RBM20: variants seen among roughly 807,000 people sequenced by gnomAD.
RBM20 encodes RNA-binding protein 20.
A neutral mutation model predicts 110.1 loss-of-function variants in RBM20; 51 were observed. The observed-to-expected ratio is 0.46, with a 90% CI of 0.37 to 0.59. RBM20 has a LOEUF of 0.59. Ranked by LOEUF, RBM20 falls within the 20% of genes least tolerant of loss-of-function variation. The pLI, the probability that RBM20 is intolerant of heterozygous loss-of-function variation, is 0.00. For missense variants in RBM20, 1,512 were observed against 1,574.9 expected (o/e 0.96, Z 0.68); for synonymous variants, 589 against 618.2 (o/e 0.95, Z 0.70).
intron 1 of RBM20, among the ~76,000 whole-genome samples, chr10:110,751,512 T>A (rs1843853353): frequency 6.6e-6 from 1 of 152,258 alleles, no homozygotes; most frequent in Non-Finnish European, 1.5e-5. Context: ...TTGCCTTTCC[T>A]ACACATAAAA....
At chr10:110,672,554 G>C (rs910081077) in intron 1 of RBM20, among the ~76,000 whole-genome samples, 7 of 152,224 alleles carry the variant, frequency 4.6e-5, no homozygotes, top group African/African-American at 1.7e-4. Context: ...CGGTCTTCCC[G>C]GGTGTTCGCG....
rs115855443 is a variant in RBM20 at position 110,726,594 on chromosome 10, G to A, written c.192-54207G>A. 5.9e-3 allele frequency among the ~76,000 whole-genome samples: 891 copies of A among 152,218 alleles called. 11 individuals carry two copies. Among genetic ancestry groups the A allele is most frequent in the African/African-American group, 0.02 (847 of 41,532 alleles). The stretch of plus-strand genomic sequence containing the variant: ...TGTCTGTGAGGTGGGACTAACACCC[G>A]CTTCTTTGGTTTTTGAGGATTAAAT... On this transcript the variant is annotated intron_variant, in intron 1 of 13. Transcript: ENST00000369519.
chr10:110,749,748 T>C (rs1843828761), intron 1 of RBM20, among the ~76,000 whole-genome samples: 1 of 148,240 alleles, frequency 6.7e-6, no homozygotes, highest in Non-Finnish European at 1.5e-5. Context: ...GATGAATGAG[T>C]GGGAAAGGCT....
chr10:110,699,891 G>A lies in RBM20; in HGVS notation c.191+55246G>A, dbSNP rs1218448774. Among the ~76,000 whole-genome samples, 7 of 152,096 alleles carry A rather than the reference G, an allele frequency of 4.6e-5. No individual in the cohort carries two copies. In the East Asian group the frequency reaches 9.6e-4, roughly 21 times the overall value. On this transcript the variant is annotated intron_variant, in intron 1 of 13. Coordinates refer to ENST00000369519, the MANE Select transcript of RBM20 (RefSeq NM_001134363.3). ...TCACACGCACTGCCGTATCATCACC[G>A]TTTATCCTATCATTGAGGTGGCTAC...
chr10:110,836,697 GAA>G lies in RBM20; in HGVS notation c.*722_*723del, dbSNP rs1295284183. On this transcript the variant is annotated 3_prime_UTR_variant, in exon 14 of 14. Transcript: ENST00000369519. ...AAATTAAATGAATTTTAGAGAAGAT[GAA>G]AAGAGCCCTTCATTTTGGAAGCTCT... is the stretch of plus-strand genomic sequence containing the variant. 1 of 152,204 alleles carries G rather than the reference GAA, an allele frequency of 6.6e-6. No homozygotes were observed. Among genetic ancestry groups the G allele is most frequent in the African/African-American group, 2.4e-5 (1 of 41,436 alleles). 9.4% of individuals were successfully genotyped at this position (152,204 alleles called of 1,614,324 possible). A position where few individuals can be genotyped will look rare whatever the true frequency, so the allele number is the denominator to read the frequency against.
chr10:110,716,300 C>G (rs1799768150), intron 1 of RBM20, among the ~76,000 whole-genome samples: 1 of 152,170 alleles, frequency 6.6e-6, no homozygotes, highest in South Asian at 2.1e-4. Flanking sequence ...CATAGAACAA[C>G]TCCTGCAACT....
At chr10:110,701,753 C>G (rs1033431018) in intron 1 of RBM20, among the ~76,000 whole-genome samples, 1 of 152,192 alleles carries the variant, frequency 6.6e-6, no homozygotes, top group African/African-American at 2.4e-5. Flanking sequence ...ACTTGATAAT[C>G]TGAAAATCTC....
At chr10:110,752,946 T>TATATATA (rs372172985) in intron 1 of RBM20, among the ~76,000 whole-genome samples, 18 of 62,302 alleles carry the variant, frequency 2.9e-4, no homozygotes, top group African/African-American at 8.2e-4. Context: ...TATATATATA[T>TATATATA]TTTTTTTTTT....
intron 3 of RBM20, among the ~76,000 whole-genome samples, chr10:110,783,819 G>A (rs546667931): frequency 2.6e-4 from 40 of 152,290 alleles, no homozygotes; most frequent in African/African-American, 9.1e-4. Flanking sequence ...ACGACATTGT[G>A]CAAATGTTAC....
At chr10:110,733,460 A>C (rs2134955657) in intron 1 of RBM20, among the ~76,000 whole-genome samples, 1 of 152,364 alleles carries the variant, frequency 6.6e-6, no homozygotes, top group African/African-American at 2.4e-5. Context: ...TTGGAGGACG[A>C]CACTGCCTCT....
chr10:110,775,835 G>T (rs59565496), intron 1 of RBM20, among the ~76,000 whole-genome samples: 578 of 152,310 alleles, frequency 3.8e-3, no homozygotes, highest in African/African-American at 0.013. Context: ...GAAATGCATT[G>T]CTTCATGTCC....
intron 1 of RBM20, among the ~76,000 whole-genome samples, chr10:110,711,397 G>A (rs1862927043): frequency 6.9e-6 from 1 of 145,274 alleles, no homozygotes; most frequent in African/African-American, 2.5e-5. Context: ...ACAGGCCACT[G>A]CCACCTTTAC....
intron 7 of RBM20, among the ~76,000 whole-genome samples, chr10:110,804,863 T>TGGGG (rs903560638): frequency 2.0e-5 from 3 of 152,158 alleles, no homozygotes; most frequent in Non-Finnish European, 4.4e-5. Flanking sequence ...GGATTTTTTG[T>TGGGG]GGGGGGAGTC....
intron 1 of RBM20, among the ~76,000 whole-genome samples, chr10:110,693,782 AT>A (rs1207564585): frequency 6.6e-6 from 1 of 152,218 alleles, no homozygotes; most frequent in African/African-American, 2.4e-5. Context: ...TGTGTATAAG[AT>A]TATCAGGCTA....
At chr10:110,828,781 C>G (rs142573308) in intron 12 of RBM20, among the ~76,000 whole-genome samples, 45 of 152,326 alleles carry the variant, frequency 3.0e-4, no homozygotes, top group African/African-American at 9.9e-4. Flanking sequence ...TCTATTTTCT[C>G]TCCATGACAC....
intron 1 of RBM20, among the ~76,000 whole-genome samples, chr10:110,745,594 C>T (rs1339141051): frequency 1.3e-5 from 2 of 152,048 alleles, no homozygotes; most frequent in Non-Finnish European, 2.9e-5. Context: ...TGTCTTGCTT[C>T]CACTGGGAGT....
chr10:110,800,102 A>G (rs1199507970), intron 7 of RBM20, among the ~76,000 whole-genome samples, 184 bp downstream of exon 7: 2 of 152,356 alleles, frequency 1.3e-5, no homozygotes, highest in East Asian at 3.9e-4. Flanking sequence ...CTCTTGAGGT[A>G]AATACAAAGT....
In RBM20 at chr10:110,783,419, C is replaced by G. The variant is rs876657972; in HGVS notation, c.1329C>G (p.Phe443Leu). The G allele has an allele frequency of 4.5e-6, 7 of 1,550,774 alleles. No homozygotes were observed. In the East Asian group the frequency reaches 1.5e-4, roughly 33 times the overall value. The change falls in exon 3 of 14, where the codon TTC (phenylalanine) becomes TTG (leucine). Residue 443 changes from phenylalanine (F) to leucine (L), a missense_variant. Transcript: ENST00000369519. ...GKLHAQKCLV[F>L]SENAGIRCIL... Reference sequence around the variant, plus strand: ...TGCACGCTCAGAAATGCCTGGTCTTCTCTGAAAAGTAAGTGCTGTTCAGGA... The same window carrying G: ...TGCACGCTCAGAAATGCCTGGTCTTGTCTGAAAAGTAAGTGCTGTTCAGGA...
At chr10:110,789,788 T>A (rs1844462311) in intron 5 of RBM20, among the ~76,000 whole-genome samples, 1 of 152,158 alleles carries the variant, frequency 6.6e-6, no homozygotes, top group Admixed American at 6.5e-5. Flanking sequence ...CAGAGATAGG[T>A]GTTCACTTTC....
Sources: allele counts gnomAD v4.1 joint callset (sites outside exome capture counted in the v4.1 genomes callset), GRCh38; gene constraint gnomAD v4.1.1; transcripts MANE v1.5; gene names NCBI Gene and HGNC (gene_info 2026-07-23, HGNC 2026-07-21).